Variants in PTPRK observed in about 807,000 individuals in gnomAD.
The protein encoded by PTPRK is protein tyrosine phosphatase receptor type K.
In PTPRK, 75 loss-of-function variants were observed where a neutral mutation model predicts 178.0. The ratio of observed to expected loss-of-function variants is 0.42; its 90% CI spans 0.35 to 0.51. The LOEUF (loss-of-function observed/expected upper bound fraction) is 0.51, where lower values mean the gene tolerates loss of function less well. PTPRK is among the 20% of genes least tolerant of loss of function. PTPRK has a pLI of 0.02. For missense variants in PTPRK, 1,441 were observed against 1,797.8 expected (o/e 0.80, Z 3.59); for synonymous variants, 637 against 620.6 (o/e 1.03, Z -0.39).
intron 13 of PTPRK, among the ~76,000 whole-genome samples, chr6:128,015,460 G>A (rs1233128635): frequency 6.6e-6 from 1 of 151,438 alleles, no homozygotes. Context: ...CCCCACCTTC[G>A]ACTGCCTTCA....
chr6:128,246,335 C>G (rs2128286568), intron 3 of PTPRK, among the ~76,000 whole-genome samples: 1 of 152,040 alleles, frequency 6.6e-6, no homozygotes, highest in African/African-American at 2.4e-5. Flanking sequence ...GATTACTACA[C>G]CCCTGAGAAA....
intron 5 of PTPRK, among the ~76,000 whole-genome samples, chr6:128,233,023 T>C (rs555820568): frequency 6.6e-6 from 1 of 152,374 alleles, no homozygotes; most frequent in Non-Finnish European, 1.5e-5. Flanking sequence ...CTGCAGTTCC[T>C]AAGCATGCAG....
intron 7 of PTPRK, among the ~76,000 whole-genome samples, chr6:128,154,811 T>A (rs546757452): frequency 1.3e-5 from 2 of 151,848 alleles, no homozygotes; most frequent in South Asian, 4.1e-4. Flanking sequence ...CAAACCTATA[T>A]TCCATTTTTA....
intron 2 of PTPRK, among the ~76,000 whole-genome samples, chr6:128,381,244 T>A (rs1187720666): frequency 2.0e-5 from 3 of 152,216 alleles, no homozygotes; most frequent in Non-Finnish European, 4.4e-5. Flanking sequence ...CCACATGGAA[T>A]AACTACATAA....
At chr6:128,009,087 C>T in intron 14 of PTPRK, 43 bp downstream of exon 14, 1 of 1,515,316 alleles carries the variant, frequency 6.6e-7, no homozygotes, top group Middle Eastern at 1.7e-4. Context: ...AAACCAGTGA[C>T]ATAAATGGTA....
intron 2 of PTPRK, among the ~76,000 whole-genome samples, chr6:128,345,674 A>G (rs1025441411): frequency 1.3e-5 from 2 of 152,182 alleles, no homozygotes; most frequent in East Asian, 3.8e-4. Context: ...GCAGTCCAGA[A>G]TTCCTCTTCA....
intron 11 of PTPRK, among the ~76,000 whole-genome samples, chr6:128,072,844 G>C (rs1783070307): frequency 6.6e-6 from 1 of 151,946 alleles, no homozygotes; most frequent in African/African-American, 2.4e-5. Context: ...GATGACATGG[G>C]GGTAGAAGTC....
intron 7 of PTPRK, among the ~76,000 whole-genome samples, chr6:128,161,349 T>C (rs1252922687): frequency 6.6e-6 from 1 of 151,652 alleles, no homozygotes; most frequent in Non-Finnish European, 1.5e-5. Context: ...TAGCTTGTTA[T>C]GATTTATCTT....
intron 6 of PTPRK, among the ~76,000 whole-genome samples, chr6:128,215,030 T>C (rs1305281872): frequency 6.6e-6 from 1 of 152,160 alleles, no homozygotes; most frequent in African/African-American, 2.4e-5. Context: ...TAATGACTAG[T>C]AATTGACACT....
intron 7 of PTPRK, among the ~76,000 whole-genome samples, chr6:128,140,928 C>T (rs181230411): frequency 0.025 from 3,869 of 152,000 alleles, 71 homozygotes; most frequent in Middle Eastern, 0.093. Context: ...AAGTAGAAGA[C>T]TTTGTTCAGT....
intron 1 of PTPRK, among the ~76,000 whole-genome samples, chr6:128,412,571 G>A (rs1014184020): frequency 1.5e-4 from 23 of 152,180 alleles, no homozygotes; most frequent in African/African-American, 4.8e-4. Flanking sequence ...TCACCAAGTC[G>A]AAAATGCAAA....
At chr6:128,375,203 C>T (rs1029057542) in intron 2 of PTPRK, among the ~76,000 whole-genome samples, 6 of 151,368 alleles carry the variant, frequency 4.0e-5, no homozygotes, top group Admixed American at 4.0e-4. Context: ...ACCTGGCACA[C>T]AAACTGTATA....
intron 7 of PTPRK, among the ~76,000 whole-genome samples, chr6:128,112,688 C>T (rs1044763122): frequency 1.3e-5 from 2 of 152,216 alleles, no homozygotes. Flanking sequence ...CTTGTGTGTA[C>T]TTACAAAATA....
At chr6:128,193,122 A>C (rs1804138178) in intron 6 of PTPRK, among the ~76,000 whole-genome samples, 1 of 151,962 alleles carries the variant, frequency 6.6e-6, no homozygotes, top group African/African-American at 2.4e-5. Context: ...AACATCTCAC[A>C]CTCTGAACGA....
At chr6:128,428,556 T>G (rs1844452652) in intron 1 of PTPRK, among the ~76,000 whole-genome samples, 1 of 152,196 alleles carries the variant, frequency 6.6e-6, no homozygotes, top group Non-Finnish European at 1.5e-5. Context: ...GAGGAGGAAC[T>G]AGGATGACTG....
At chr6:128,516,483 T>C (rs1454854568) in intron 1 of PTPRK, among the ~76,000 whole-genome samples, 1 of 150,666 alleles carries the variant, frequency 6.6e-6, no homozygotes, top group Non-Finnish European at 1.5e-5. Flanking sequence ...GATCGAGGGA[T>C]ATTTAGCCAA....
chr6:128,415,325 G>A (rs1180503287), intron 1 of PTPRK, among the ~76,000 whole-genome samples: 1 of 152,056 alleles, frequency 6.6e-6, no homozygotes, highest in Non-Finnish European at 1.5e-5. Flanking sequence ...AGAAAAATCT[G>A]GATGAGGAAT....
chr6:128,122,774 C>T (rs1344173983), intron 7 of PTPRK, among the ~76,000 whole-genome samples: 3 of 152,040 alleles, frequency 2.0e-5, no homozygotes, highest in Admixed American at 6.6e-5. Flanking sequence ...CAGTGAATAC[C>T]ATACAGTAAG....
chr6:128,067,649 G>A lies in PTPRK; in HGVS notation c.2027C>T (p.Pro676Leu), dbSNP rs1279524835. ...APYYFAAELP[P>L]GNLPEPAPFT... The stretch of plus-strand genomic sequence containing the variant: ...CGGGGCAGGCTCAGGTAGGTTTCCC[G>A]GGGGGAGTTCTGCAGCAAAGTAATA... Residue 676 changes from proline to leucine, a missense_variant, in exon 12 of 30, where the codon CCG becomes CTG. This residue lies in a region of PTPRK where 945 missense variants were observed against 1,080.6 expected (regional missense o/e 0.87). Coordinates refer to ENST00000368226, the MANE Select transcript of PTPRK (RefSeq NM_002844.4). 2 of 1,613,398 alleles carry A rather than the reference G, an allele frequency of 1.2e-6. No homozygotes were observed. The highest frequency in any genetic ancestry group is 8.5e-7 in the Non-Finnish European group (1 of 1,179,570).
Sources: allele counts gnomAD v4.1 joint callset (sites outside exome capture counted in the v4.1 genomes callset), GRCh38; gene constraint gnomAD v4.1.1; regional missense constraint gnomAD v4.1.1; transcripts MANE v1.5; gene names NCBI Gene and HGNC (gene_info 2026-07-23, HGNC 2026-07-21).